The following CTNNA1 variants were observed in gnomAD, a reference collection of about 807,000 sequenced individuals.
The protein encoded by CTNNA1 is catenin alpha-1.
Under a neutral mutation model 98.4 loss-of-function variants are expected in CTNNA1, and 37 were observed. That is an observed-to-expected ratio of 0.38 (90% CI 0.29 to 0.49). The LOEUF (loss-of-function observed/expected upper bound fraction) is 0.49. CTNNA1 is among the 20% of genes least tolerant of loss of function. The pLI, the probability that CTNNA1 is intolerant of heterozygous loss-of-function variation, is 0.95. For missense variants in CTNNA1, 761 were observed against 1,147.2 expected, an observed-to-expected ratio of 0.66 and a Z score of 4.86; for synonymous variants, 404 against 413.2, an observed-to-expected ratio of 0.98 and a Z score of 0.27.
At chr5:138,754,388 C>G (rs1026194390) in intron 1 of CTNNA1, 7 of 152,286 alleles carry the variant, frequency 4.6e-5, no homozygotes, top group South Asian at 4.2e-4. Flanking sequence ...TGGCCCAGTT[C>G]CAAGGTTGAC....
intron 7 of CTNNA1, among the ~76,000 whole-genome samples, chr5:138,877,158 G>A (rs761078433): frequency 2.4e-4 from 37 of 152,166 alleles, no homozygotes; most frequent in Non-Finnish European, 5.3e-4. Flanking sequence ...CCTTCTTGCT[G>A]GTTAAAGAAG....
At chr5:138,897,922 A>G (rs185654354) in intron 9 of CTNNA1, among the ~76,000 whole-genome samples, 2 of 152,332 alleles carry the variant, frequency 1.3e-5, no homozygotes, top group Non-Finnish European at 1.5e-5. Context: ...ATGACTAAAG[A>G]AGCACTCTGC....
intron 1 of CTNNA1, among the ~76,000 whole-genome samples, chr5:138,777,190 C>T (rs1465920495): frequency 2.6e-4 from 40 of 152,142 alleles, no homozygotes; most frequent in Admixed American, 2.0e-3. Flanking sequence ...GGGTCGCGGC[C>T]GGGTAGAGGC....
At chr5:138,925,572 C>G in intron 13 of CTNNA1, 165 bp downstream of exon 13, 8 of 1,105,816 alleles carry the variant, frequency 7.2e-6, no homozygotes, top group Non-Finnish European at 9.8e-6. Context: ...TCTAAAATGA[C>G]TGTTAGTTGC....
At chr5:138,842,203 G>A (rs1454603638) in intron 7 of CTNNA1, among the ~76,000 whole-genome samples, 4 of 152,168 alleles carry the variant, frequency 2.6e-5, no homozygotes, top group African/African-American at 4.8e-5. Flanking sequence ...GGGAGGCTGA[G>A]GTAAGAGGAG....
At chr5:138,853,455 C>T (rs1168249840) in intron 7 of CTNNA1, among the ~76,000 whole-genome samples, 2 of 151,516 alleles carry the variant, frequency 1.3e-5, no homozygotes, top group Non-Finnish European at 2.9e-5. Context: ...TGTTTTCCCC[C>T]GCCTTTTTTA....
rs564827103 is a variant in CTNNA1, at chr5:138,884,668, T to C, written c.1063-1544T>C. Reference sequence around the variant, plus strand: ...GTCAGTCTTAAGTCTGTTTTAATGTTAGTGCTGGACAGTTGTGCCTGAATT... The same window carrying C: ...GTCAGTCTTAAGTCTGTTTTAATGTCAGTGCTGGACAGTTGTGCCTGAATT... On this transcript the variant is annotated intron_variant, in intron 7 of 17. Transcript: ENST00000302763. Among the ~76,000 whole-genome samples, 290 of 152,340 alleles carry C rather than the reference T, an allele frequency of 1.9e-3. 2 individuals are homozygous for C. Among genetic ancestry groups the C allele is most frequent in the African/African-American group, 6.7e-3 (279 of 41,586 alleles).
At chr5:138,880,148 A>G (rs1752573712) in intron 7 of CTNNA1, 1 of 151,920 alleles carries the variant, frequency 6.6e-6, no homozygotes, top group East Asian at 1.9e-4. Flanking sequence ...AAAATAACAG[A>G]CTCTATCTTG....
chr5:138,879,473 GT>G (rs200275537), intron 7 of CTNNA1, among the ~76,000 whole-genome samples: 58 of 150,296 alleles, frequency 3.9e-4, no homozygotes, highest in African/African-American at 1.3e-3. Flanking sequence ...TGTTTTTTTT[GT>G]TTTTTTTTAA....
At chr5:138,893,106 T>C (rs1361443757) in intron 9 of CTNNA1, among the ~76,000 whole-genome samples, 4 of 152,204 alleles carry the variant, frequency 2.6e-5, no homozygotes, top group Non-Finnish European at 5.9e-5. Context: ...CTGAGCCTTT[T>C]AGAGGGTCAT....
At chr5:138,816,535 A>G (rs1759449289) in intron 5 of CTNNA1, among the ~76,000 whole-genome samples, 1 of 151,766 alleles carries the variant, frequency 6.6e-6, no homozygotes, top group Non-Finnish European at 1.5e-5. Flanking sequence ...TCCCACCAGC[A>G]TTTTTTTTCC....
intron 9 of CTNNA1, among the ~76,000 whole-genome samples, chr5:138,903,637 A>G (rs1364181830): frequency 6.6e-6 from 1 of 152,210 alleles, no homozygotes; most frequent in Admixed American, 6.5e-5. Flanking sequence ...TATCATTGAG[A>G]TGGCTGGACG....
chr5:138,922,408 C>G (rs758778229), intron 11 of CTNNA1, among the ~76,000 whole-genome samples: 2 of 152,106 alleles, frequency 1.3e-5, no homozygotes, highest in Non-Finnish European at 2.9e-5. Flanking sequence ...AGGGCCAGAC[C>G]TAGAAAGGTT....
intron 1 of CTNNA1, among the ~76,000 whole-genome samples, chr5:138,771,423 T>G (rs1331618266): frequency 3.3e-5 from 5 of 152,176 alleles, no homozygotes; most frequent in Non-Finnish European, 5.9e-5. Flanking sequence ...CCCCCATCAC[T>G]CAGCCTGCAG....
chr5:138,824,880 G>A (rs1561564998), intron 6 of CTNNA1, 81 bp downstream of exon 6: 2 of 1,328,642 alleles, frequency 1.5e-6, no homozygotes, highest in South Asian at 1.3e-5. Context: ...AGTGATCAAG[G>A]CTTCTGATGA....
At position 138,778,083 on chromosome 5, in the gene CTNNA1, C is replaced by T. The variant is rs1055930616; in HGVS notation, c.-2-3840C>T. 4.2e-4 allele frequency among the ~76,000 whole-genome samples: 62 copies of T among 146,028 alleles called. 1 individual carries two copies. The highest frequency in any genetic ancestry group is 9.3e-4 in the Admixed American group (13 of 13,976). ...TCTCCACTCACTGCAAGTTCTGCTC[C>T]CCCAGGTTCATGCCATTCTCCTGCC... On this transcript the variant is annotated intron_variant, in intron 1 of 17. Transcript: ENST00000302763.
At chr5:138,931,031 A>C in intron 16 of CTNNA1, 96 bp downstream of exon 16, 1 of 731,560 alleles carries the variant, frequency 1.4e-6, no homozygotes, top group East Asian at 2.6e-5. Flanking sequence ...GGGCCACAGC[A>C]CTTTTGCCAC....
rs1404360616 is a variant in CTNNA1, at chr5:138,818,799, C to T, written c.589-5731C>T. Reference sequence around the variant, plus strand: ...GTTGTGTCAGGTATGACACAGTGTACGAGCAGCTACTGTGGCACTGGGTTC... The same window carrying T: ...GTTGTGTCAGGTATGACACAGTGTATGAGCAGCTACTGTGGCACTGGGTTC... On this transcript the variant is annotated intron_variant, in intron 5 of 17. Coordinates refer to ENST00000302763, the MANE Select transcript of CTNNA1 (RefSeq NM_001903.5). 5.3e-5 allele frequency among the ~76,000 whole-genome samples: 8 copies of T among 152,224 alleles called. No homozygotes were observed. In the South Asian group the frequency reaches 6.2e-4, roughly 12 times the overall value.
chr5:138,852,871 G>GCGCACACACACACGCGCGCGTGCA (rs869240008), intron 7 of CTNNA1, among the ~76,000 whole-genome samples: 70 of 151,358 alleles, frequency 4.6e-4, no homozygotes, highest in Non-Finnish European at 8.8e-4. Context: ...GCGCGCGCGC[G>GCGCACACACACACGCGCGCGTGCA]CACACACACA....
Sources: gnomAD v4.1 joint callset for allele counts (sites outside exome capture counted in the v4.1 genomes callset) on GRCh38, gnomAD v4.1.1 for gene constraint, MANE v1.5 for transcripts, NCBI Gene and HGNC (gene_info 2026-07-23, HGNC 2026-07-21) for gene names.